The following CHST9 variants were observed in gnomAD, a reference collection of about 807,000 sequenced individuals.
CHST9 encodes the protein carbohydrate sulfotransferase 9.
In CHST9, 41 loss-of-function variants were observed where a neutral mutation model predicts 44.4. The ratio of observed to expected loss-of-function variants is 0.92; its 90% CI spans 0.72 to 1.20. CHST9 has a LOEUF of 1.20. Among genes scored for constraint, CHST9 ranks in the 50% most tolerant of loss-of-function variants. The probability of loss-of-function intolerance (pLI) is 0.00; values close to 1 mark genes in which losing one functional copy is unlikely to be tolerated. For missense variants in CHST9, 504 were observed against 516.5 expected, an observed-to-expected ratio of 0.98 and a Z score of 0.23; for synonymous variants, 171 against 178.4, an observed-to-expected ratio of 0.96 and a Z score of 0.33.
At chr18:27,088,648 TC>T (rs2143705626) in intron 2 of CHST9, among the ~76,000 whole-genome samples, 1 of 152,228 alleles carries the variant, frequency 6.6e-6, no homozygotes, top group East Asian at 1.9e-4. Flanking sequence ...CGCCTCAGCC[TC>T]CCAAAGTGCT....
chr18:26,936,910 T>G (rs2056003198), intron 5 of CHST9, among the ~76,000 whole-genome samples: 1 of 152,212 alleles, frequency 6.6e-6, no homozygotes, highest in Admixed American at 6.5e-5. Context: ...TGGTACATTT[T>G]CAGTACGGAG....
intron 2 of CHST9, among the ~76,000 whole-genome samples, chr18:27,137,357 TAGAG>T (rs1157733940): frequency 9.5e-5 from 12 of 126,478 alleles, no homozygotes; most frequent in East Asian, 2.2e-4. Flanking sequence ...TGTGTGTGTA[TAGAG>T]AGAGAGAGAG....
chr18:27,179,126 T>G (rs557123317), intron 1 of CHST9, among the ~76,000 whole-genome samples: 1 of 151,588 alleles, frequency 6.6e-6, no homozygotes, highest in Non-Finnish European at 1.5e-5. Context: ...ATATGAAAAC[T>G]TTCAGTGCTT....
intron 4 of CHST9, among the ~76,000 whole-genome samples, chr18:26,983,702 C>T (rs1286375799): frequency 6.6e-6 from 1 of 152,106 alleles, no homozygotes; most frequent in African/African-American, 2.4e-5. Context: ...TGGAAGGGGA[C>T]AAGAATTTGC....
chr18:26,943,588 A>G (rs144267393), intron 5 of CHST9, among the ~76,000 whole-genome samples: 6 of 152,334 alleles, frequency 3.9e-5, no homozygotes, highest in Admixed American at 3.9e-4. Context: ...ATTTTTCCAC[A>G]GGTCAATGTC....
At chr18:27,016,522 A>G (rs1381911828) in intron 4 of CHST9, among the ~76,000 whole-genome samples, 1 of 152,132 alleles carries the variant, frequency 6.6e-6, no homozygotes, top group African/African-American at 2.4e-5. Flanking sequence ...CAAAAACTGT[A>G]CGTTTGTTTA....
intron 2 of CHST9, among the ~76,000 whole-genome samples, chr18:27,081,976 T>C (rs565853267): frequency 1.3e-5 from 2 of 152,320 alleles, no homozygotes; most frequent in East Asian, 3.9e-4. Flanking sequence ...GACTTAATTC[T>C]AAAGTCACCT....
intron 2 of CHST9, among the ~76,000 whole-genome samples, chr18:27,061,856 T>A (rs886715961): frequency 1.3e-5 from 2 of 152,116 alleles, no homozygotes; most frequent in African/African-American, 4.8e-5. Flanking sequence ...TCTGAGGAAT[T>A]CAGAAGTAAT....
intron 1 of CHST9, among the ~76,000 whole-genome samples, chr18:27,147,410 T>C (rs2058621784): frequency 6.6e-6 from 1 of 152,132 alleles, no homozygotes; most frequent in African/African-American, 2.4e-5. Context: ...TTTTGGGGAA[T>C]GTCGGTTTGG....
intron 4 of CHST9, among the ~76,000 whole-genome samples, chr18:27,020,045 C>G (rs1055498721): frequency 6.6e-6 from 1 of 152,108 alleles, no homozygotes; most frequent in African/African-American, 2.4e-5. Flanking sequence ...TGGGTACAAA[C>G]CAGGCAGAAA....
chr18:26,918,913 A>G (rs1233797756), intron 5 of CHST9, among the ~76,000 whole-genome samples: 5 of 152,130 alleles, frequency 3.3e-5, no homozygotes, highest in Admixed American at 1.3e-4. Context: ...GAGACTGGGT[A>G]ATTTATAAAG....
chr18:27,024,590 G>A (rs1357724352), intron 3 of CHST9, among the ~76,000 whole-genome samples: 1 of 152,084 alleles, frequency 6.6e-6, no homozygotes, highest in Non-Finnish European at 1.5e-5. Flanking sequence ...TTGAGTACTT[G>A]GGCTCGATGT....
At chr18:27,145,382 C>A (rs940631728) in intron 1 of CHST9, among the ~76,000 whole-genome samples, 11 of 151,978 alleles carry the variant, frequency 7.2e-5, no homozygotes, top group African/African-American at 2.4e-4. Flanking sequence ...TGGAGTTTCA[C>A]CATGTTGGCC....
intron 4 of CHST9, among the ~76,000 whole-genome samples, chr18:27,007,077 G>T (rs1345712241): frequency 6.6e-6 from 1 of 152,056 alleles, no homozygotes; most frequent in East Asian, 1.9e-4. Flanking sequence ...TCCCCACTCT[G>T]GTATCAAAGT....
intron 4 of CHST9, among the ~76,000 whole-genome samples, chr18:26,951,302 C>T (rs2145130935): frequency 6.6e-6 from 1 of 152,332 alleles, no homozygotes; most frequent in South Asian, 2.1e-4. Context: ...TAATTCTTCT[C>T]ATTGTAAGTT....
chr18:27,153,052 G>T (rs977209319), intron 1 of CHST9, among the ~76,000 whole-genome samples: 5 of 152,168 alleles, frequency 3.3e-5, no homozygotes, highest in Non-Finnish European at 7.4e-5. Context: ...TTATAAGCAG[G>T]AAGTGGAATT....
chr18:27,043,451 C>T (rs374570287), intron 3 of CHST9, among the ~76,000 whole-genome samples: 3 of 152,154 alleles, frequency 2.0e-5, no homozygotes, highest in South Asian at 4.2e-4. Context: ...TCTCTCTCCC[C>T]GTATTCCCTA....
intron 2 of CHST9, among the ~76,000 whole-genome samples, chr18:27,062,568 C>G (rs1347795547): frequency 6.6e-6 from 1 of 152,172 alleles, no homozygotes; most frequent in East Asian, 1.9e-4. Flanking sequence ...CATTGTTGGA[C>G]ATTTGGGTTG....
At chr18:27,004,515 G>A (rs1225579556) in intron 4 of CHST9, among the ~76,000 whole-genome samples, 6 of 152,090 alleles carry the variant, frequency 3.9e-5, no homozygotes, top group African/African-American at 1.4e-4. Context: ...CAAGAGAGGT[G>A]CTGAATCCTT....
Sources: allele counts gnomAD v4.1 joint callset (sites outside exome capture counted in the v4.1 genomes callset), GRCh38; gene constraint gnomAD v4.1.1; transcripts MANE v1.5; gene names NCBI Gene and HGNC (gene_info 2026-07-23, HGNC 2026-07-21).